Variants in MYPN observed in about 807,000 individuals in gnomAD.
MYPN encodes sarcomeric protein myopalladin, 145 kDa (MYOP).
MYPN carries 63 observed loss-of-function variants against 129.4 expected under a neutral mutation model. The observed-to-expected ratio is 0.49, with a 90% confidence interval of 0.40 to 0.60. The LOEUF is 0.60. Ranked by LOEUF, MYPN falls within the 20% of genes least tolerant of loss-of-function variation. The pLI, the probability that MYPN is intolerant of heterozygous loss-of-function variation, is 0.00. For missense variants in MYPN, 1,596 were observed against 1,635.4 expected (o/e 0.98, Z 0.42); for synonymous variants, 629 against 600.9 (o/e 1.05, Z -0.68).
At chr10:68,163,138 C>T (rs2043003341) in intron 8 of MYPN, among the ~76,000 whole-genome samples, 2 of 151,980 alleles carry the variant, frequency 1.3e-5, no homozygotes, top group Admixed American at 6.6e-5. Context: ...TCTACAAAAA[C>T]TCAAAAATTA....
rs534124936 is a variant in MYPN, at chr10:68,158,284, C to T, written c.1318-202C>T. The T allele has an allele frequency of 5.7e-5, 33 of 579,190 alleles. 1 individual carries two copies. The highest frequency in any genetic ancestry group is 5.3e-4 in the South Asian group (26 of 49,374). The allele number at this position is 579,190 out of a possible 1,614,324, so 35.9% of individuals were successfully genotyped here. On this transcript the variant is annotated intron_variant, in intron 6 of 19. Transcript: ENST00000358913. The stretch of plus-strand genomic sequence containing the variant: ...TAGGTCAAGGGCATAGGAGTAGCCA[C>T]GCTCGCCTGCTAGAGCCTCCAAACA...
chr10:68,107,594 G>A (rs1020061365), upstream of MYPN, among the ~76,000 whole-genome samples: 2 of 151,104 alleles, frequency 1.3e-5, no homozygotes, highest in African/African-American at 4.9e-5. Flanking sequence ...CAGGCGATCC[G>A]CCTGCCTCAA....
chr10:68,197,517 A>G, intron 16 of MYPN, 39 bp downstream of exon 16: 1 of 1,609,864 alleles, frequency 6.2e-7, no homozygotes, highest in South Asian at 1.1e-5. Flanking sequence ...AGATCTGTTC[A>G]TATTTTGTAT....
At chr10:68,144,655 T>A (rs2042632404) in intron 3 of MYPN, among the ~76,000 whole-genome samples, 1 of 152,158 alleles carries the variant, frequency 6.6e-6, no homozygotes, top group African/African-American at 2.4e-5. Context: ...TTTTTTTTCT[T>A]TGTGACAAAA....
intron 2 of MYPN, among the ~76,000 whole-genome samples, chr10:68,139,591 G>A (rs912251727): frequency 2.6e-5 from 4 of 152,138 alleles, no homozygotes; most frequent in African/African-American, 7.2e-5. Context: ...AACTGCACAC[G>A]CTCTGAGGAT....
At chr10:68,139,056 G>C (rs1352273907) in intron 2 of MYPN, among the ~76,000 whole-genome samples, 3 of 152,000 alleles carry the variant, frequency 2.0e-5, no homozygotes, top group African/African-American at 7.3e-5. Context: ...TTTTTCCCTA[G>C]AGAAATCCCT....
At chr10:68,187,143 G>C (rs184077812) in intron 12 of MYPN, among the ~76,000 whole-genome samples, 8 of 152,120 alleles carry the variant, frequency 5.3e-5, no homozygotes, top group Non-Finnish European at 7.4e-5. Flanking sequence ...AGACTGAGGT[G>C]GGTGGATCAC....
Position 68,095,234 on chromosome 10 carries a change from C to T in MYPN, c.-2+7242C>T, listed in dbSNP as rs138601746. ...GTGTGGAGTCACATATCTGTGGTCC[C>T]AGCTACTCGGGAGGCTGAGGTGGGA... On this transcript the variant is annotated intron_variant, in intron 1 of 6. Transcript: ENST00000685154. Among the ~76,000 whole-genome samples, 24 of 151,336 alleles carry T rather than the reference C, an allele frequency of 1.6e-4. No individual in the cohort carries two copies. The East Asian group carries it at 3.3e-3, about 21-fold the overall frequency.
At chr10:68,201,727 G>A in intron 17 of MYPN, 102 bp from the exon 18 acceptor site, 2 of 1,331,592 alleles carry the variant, frequency 1.5e-6, no homozygotes, top group South Asian at 2.5e-5. Flanking sequence ...GTTGCAGTGA[G>A]CTGAGATCTT....
chr10:68,138,110 CT>C lies in MYPN; in HGVS notation c.903-4817del, dbSNP rs71009009. On this transcript the variant is annotated intron_variant, in intron 2 of 19. Transcript: ENST00000358913. ...GGAATTTTTCTTTTTCTTTTTTCTT[CT>C]TTTTTTTTTTTTGAGATGGAGTCTC... 6.0e-3 allele frequency among the ~76,000 whole-genome samples: 860 copies of C among 142,908 alleles called. 8 individuals carry two copies. Among genetic ancestry groups the C allele is most frequent in the African/African-American group, 0.017 (663 of 38,984 alleles). The allele number at this position is 142,908 out of a possible 152,430, so 93.8% of individuals were successfully genotyped here. A position where few individuals can be genotyped will look rare whatever the true frequency, so the allele number is the denominator to read the frequency against.
rs539338042 is a variant in MYPN, at chr10:68,210,455, A to G, written c.3963A>G (p.Ter1321=). 94 of 1,614,024 alleles carry G rather than the reference A, an allele frequency of 5.8e-5. No homozygotes were observed. In the South Asian group the frequency reaches 9.6e-4, roughly 16 times the overall value. Residue 1321 remains the stop codon, a stop_retained_variant, in exon 20 of 20, where the codon TAA becomes TAG. Coordinates refer to ENST00000358913, the MANE Select transcript of MYPN (RefSeq NM_032578.4). ...GTGTAGTGGAGAGTGATGAACTTTA[A>G]GAATGTCTAGGTACCTGCTGTGTAA... ...SRSVVESDEL[*]
At position 68,121,784 on chromosome 10, in the gene MYPN, AAC is replaced by A; in HGVS notation, c.347_348del (p.Asn116IlefsTer5). Reference protein sequence around the residue: ...KHSPNLSFEPNFCQDNPRSPT... With the variant: ...KHSPNLSFEPXFCQDNPRSPT... ...CTCACCTAATTTAAGTTTTGAGCCTAACTTCTGCCAGGATAACCCTCGAAGTC... is the reference window on the plus strand; with the variant it reads ...CTCACCTAATTTAAGTTTTGAGCCTATTCTGCCAGGATAACCCTCGAAGTC... On this transcript the variant is annotated frameshift_variant, in exon 2 of 20. Coordinates refer to ENST00000358913, the MANE Select transcript of MYPN (RefSeq NM_032578.4). LOFTEE classifies it high-confidence loss of function. 1.2e-6 allele frequency: 2 copies of A among 1,614,216 alleles called. No individual in the cohort carries two copies. The highest frequency in any genetic ancestry group is 1.7e-6 in the Non-Finnish European group (2 of 1,180,046).
chr10:68,207,108 A>T (rs2043829503), intron 19 of MYPN, among the ~76,000 whole-genome samples: 1 of 152,064 alleles, frequency 6.6e-6, no homozygotes, highest in Admixed American at 6.5e-5. Context: ...AAATACAAAA[A>T]TTAGCCAGGC....
chr10:68,129,631 TATG>T (rs1319755868), intron 2 of MYPN, among the ~76,000 whole-genome samples: 3 of 152,244 alleles, frequency 2.0e-5, no homozygotes, highest in Non-Finnish European at 4.4e-5. Flanking sequence ...ACTTCAACTT[TATG>T]ATAATACCAA....
intron 9 of MYPN, 41 bp from the exon 10 acceptor site, chr10:68,166,253 T>G: frequency 6.2e-7 from 1 of 1,613,710 alleles, no homozygotes. Context: ...AATTCAGGCT[T>G]ACAGTGGCTG....
chr10:68,138,916 A>G (rs2042529750), intron 2 of MYPN, among the ~76,000 whole-genome samples: 1 of 152,030 alleles, frequency 6.6e-6, no homozygotes, highest in Non-Finnish European at 1.5e-5. Flanking sequence ...CTTAAAGTTG[A>G]TGACACCATT....
chr10:68,158,112 A>G, intron 6 of MYPN: 1 of 203,848 alleles, frequency 4.9e-6, no homozygotes, highest in Non-Finnish European at 1.0e-5. Context: ...GACATCTGTC[A>G]CCCCATTGAT....
chr10:68,110,212 C>T (rs1302441834), intron 1 of MYPN, among the ~76,000 whole-genome samples: 2 of 152,154 alleles, frequency 1.3e-5, no homozygotes, highest in African/African-American at 4.8e-5. Flanking sequence ...ACAACAGCTG[C>T]AGAAAGTCTT....
At chr10:68,106,541 G>C, upstream of MYPN, 2 of 666,734 alleles carry the variant, frequency 3.0e-6, no homozygotes. Flanking sequence ...ACGGCATAGA[G>C]GTTTTGTTTA....
Sources: gnomAD v4.1 joint callset for allele counts (sites outside exome capture counted in the v4.1 genomes callset) on GRCh38, gnomAD v4.1.1 for gene constraint, MANE v1.5 for transcripts, NCBI Gene and HGNC (gene_info 2026-07-23, HGNC 2026-07-21) for gene names.